CYLD: variants seen among roughly 807,000 people sequenced by gnomAD.
CYLD encodes the protein CYLD lysine 63 deubiquitinase, also known as ubiquitin carboxyl-terminal hydrolase CYLD.
CYLD carries 26 observed loss-of-function variants against 104.5 expected under a neutral mutation model. That is an observed-to-expected ratio of 0.25 (90% CI 0.18 to 0.35). CYLD has a LOEUF of 0.35. Among genes scored for constraint, CYLD ranks in the 10% least tolerant of loss-of-function variants. The probability of loss-of-function intolerance (pLI) is 1.00; values close to 1 mark genes in which losing one functional copy is unlikely to be tolerated. For synonymous variants in CYLD, 385 were observed against 399.9 expected (o/e 0.96, Z 0.45); for missense variants, 703 against 1,136.1 (o/e 0.62, Z 5.48).
In CYLD at chr16:50,801,395, CAT is replaced by C. The variant is rs143814807; in HGVS notation, c.*4888_*4889del. ...TTAAAGTCTTCATTTATTTTTATAACATGGGTTAGGGAGAAGGGCCACAAATG... is the reference window on the plus strand; with the variant it reads ...TTAAAGTCTTCATTTATTTTTATAACGGGTTAGGGAGAAGGGCCACAAATG... On this transcript the variant is annotated 3_prime_UTR_variant, in exon 19 of 19. Transcript: ENST00000427738. The C allele has an allele frequency of 0.044, 10,349 of 233,730 alleles. 435 individuals carry two copies. Among genetic ancestry groups the C allele is most frequent in the African/African-American group, 0.12 (5,657 of 45,428 alleles). 14.5% of individuals were successfully genotyped at this position (233,730 alleles called of 1,614,324 possible).
In CYLD at chr16:50,791,529, T is replaced by C. The variant is rs201264607; in HGVS notation, c.2109-29T>C. On this transcript the variant is annotated intron_variant, in intron 14 of 18. Coordinates refer to ENST00000427738, the MANE Select transcript of CYLD (RefSeq NM_001378743.1). Reference sequence around the variant, plus strand: ...ATTTAAGCATTTGATAAATAGGTTGTATGTATTTTTTTCTCTGCGTGTTTT... The same window carrying C: ...ATTTAAGCATTTGATAAATAGGTTGCATGTATTTTTTTCTCTGCGTGTTTT... 3.8e-4 allele frequency: 616 copies of C among 1,612,450 alleles called. 6 individuals are homozygous for C. Among genetic ancestry groups the C allele is most frequent in the South Asian group, 3.7e-3 (340 of 91,052 alleles).
intron 5 of CYLD, among the ~76,000 whole-genome samples, chr16:50,766,487 C>G (rs1338816309): frequency 6.6e-6 from 1 of 152,174 alleles, no homozygotes; most frequent in Non-Finnish European, 1.5e-5. Flanking sequence ...TGTTCTGCAG[C>G]ATATGGATCA....
At position 50,799,825 on chromosome 16, in the gene CYLD, T is replaced by C. The variant is rs1972332596; in HGVS notation, c.*3317T>C. 1.3e-5 allele frequency: 3 copies of C among 232,962 alleles called. No individual in the cohort carries two copies. The allele number at this position is 232,962 out of a possible 1,614,324, so 14.4% of individuals were successfully genotyped here. On this transcript the variant is annotated 3_prime_UTR_variant, in exon 19 of 19. Transcript: ENST00000427738. ...TGCATCTGCTTGGATGATTGTAGAC[T>C]GAGATGTGAGTGGAGGATAAAGTAT...
At chr16:50,757,104 G>GT (rs572408816) in intron 5 of CYLD, among the ~76,000 whole-genome samples, 195 of 149,820 alleles carry the variant, frequency 1.3e-3, no homozygotes, top group African/African-American at 4.2e-3. Flanking sequence ...AAACTGAATT[G>GT]TTTTTTTTTC....
intron 2 of CYLD, among the ~76,000 whole-genome samples, chr16:50,746,889 T>C (rs1277517412): frequency 6.6e-6 from 1 of 152,112 alleles, no homozygotes; most frequent in Non-Finnish European, 1.5e-5. Flanking sequence ...GTGACATGAA[T>C]AGTTAAGCTA....
chr16:50,766,075 T>C (rs943009820), intron 5 of CYLD, among the ~76,000 whole-genome samples: 1 of 152,330 alleles, frequency 6.6e-6, no homozygotes, highest in Middle Eastern at 3.4e-3. Flanking sequence ...AAAACAGCCT[T>C]CTATTGGAAG....
intron 2 of CYLD, among the ~76,000 whole-genome samples, chr16:50,744,140 A>G (rs1027630410): frequency 1.3e-5 from 2 of 151,804 alleles, no homozygotes; most frequent in Non-Finnish European, 2.9e-5. Context: ...CTAGAGAGGC[A>G]GCAGTATTCC....
At chr16:50,762,039 A>C (rs965865119) in intron 5 of CYLD, among the ~76,000 whole-genome samples, 2 of 152,154 alleles carry the variant, frequency 1.3e-5, no homozygotes, top group African/African-American at 4.8e-5. Context: ...GTATATATTC[A>C]TGGGGTACAA....
Position 50,749,599 on chromosome 16 carries a change from C to A in CYLD, c.-100C>A. The A allele has an allele frequency of 1.6e-6, 2 of 1,244,644 alleles. No homozygotes were observed. Among genetic ancestry groups the A allele is most frequent in the Non-Finnish European group, 2.3e-6 (2 of 881,052 alleles). 77.1% of individuals were successfully genotyped at this position (1,244,644 alleles called of 1,614,324 possible). A position where few individuals can be genotyped will look rare whatever the true frequency, so the allele number is the denominator to read the frequency against. On this transcript the variant is annotated 5_prime_UTR_variant, in exon 3 of 19. Transcript: ENST00000427738. ...AGCATGGACACCACGTTGCTGAAAA[C>A]ATGCTTTGGGACTGCCACTGAATTT...
Position 50,748,100 on chromosome 16 carries a change from A to G in CYLD, c.-123-1476A>G, listed in dbSNP as rs373644041. Among the ~76,000 whole-genome samples, 56 of 152,368 alleles carry G rather than the reference A, an allele frequency of 3.7e-4. 1 individual carries two copies. Among genetic ancestry groups the G allele is most frequent in the African/African-American group, 1.3e-3 (53 of 41,584 alleles). ...GGAGTATTTATTTTTTAATTGCTAG[A>G]ATAAAATAAATATGATAGTGCTATC... On this transcript the variant is annotated intron_variant, in intron 2 of 18. Coordinates refer to ENST00000427738, the MANE Select transcript of CYLD (RefSeq NM_001378743.1).
intron 5 of CYLD, among the ~76,000 whole-genome samples, chr16:50,760,517 C>A (rs1597002738): frequency 6.6e-6 from 1 of 152,142 alleles, no homozygotes; most frequent in East Asian, 1.9e-4. Flanking sequence ...TATTCTTATT[C>A]CCCCTTCCCT....
chr16:50,795,893 A>G (rs770842206), intron 18 of CYLD, among the ~76,000 whole-genome samples: 2 of 152,196 alleles, frequency 1.3e-5, no homozygotes, highest in Non-Finnish European at 2.9e-5. Flanking sequence ...TTGCGTAAGG[A>G]TGTGTTTAAA....
intron 6 of CYLD, 119 bp from the exon 7 acceptor site, chr16:50,776,059 TA>T: frequency 1.3e-6 from 1 of 745,656 alleles, no homozygotes; most frequent in Non-Finnish European, 2.4e-6. Context: ...AAGGCATTTG[TA>T]AAACTAAAAA....
At chr16:50,770,888 G>T (rs931396934) in intron 5 of CYLD, among the ~76,000 whole-genome samples, 1 of 152,082 alleles carries the variant, frequency 6.6e-6, no homozygotes, top group African/African-American at 2.4e-5. Context: ...TATATGGTTT[G>T]CACATTTTAT....
intron 10 of CYLD, 138 bp from the exon 11 acceptor site, chr16:50,782,187 G>A (rs1294720806): frequency 1.5e-6 from 1 of 648,298 alleles, no homozygotes; most frequent in Non-Finnish European, 2.6e-6. Context: ...GTTAACCAAA[G>A]CCTACTTTCC....
At chr16:50,795,919 A>C (rs914593829) in intron 18 of CYLD, among the ~76,000 whole-genome samples, 2 of 151,778 alleles carry the variant, frequency 1.3e-5, no homozygotes, top group Non-Finnish European at 2.9e-5. Context: ...GGGAGCTATA[A>C]TAGCGTTCAT....
At chr16:50,792,790 C>A (rs776631119) in intron 16 of CYLD, 85 bp downstream of exon 16, 54 of 741,758 alleles carry the variant, frequency 7.3e-5, no homozygotes, top group Non-Finnish European at 1.1e-4. Context: ...TAGACTCTAA[C>A]TGGACACAGT....
intron 5 of CYLD, among the ~76,000 whole-genome samples, chr16:50,758,085 C>T (rs1369444135): frequency 6.6e-6 from 1 of 151,950 alleles, no homozygotes; most frequent in Non-Finnish European, 1.5e-5. Context: ...TGTGTATGAT[C>T]AATTACATGA....
rs568159513 is a variant in CYLD, at chr16:50,796,720, G to A, written c.*212G>A. 11 of 568,836 alleles carry A rather than the reference G, an allele frequency of 1.9e-5. No individual in the cohort carries two copies. The highest frequency in any genetic ancestry group is 3.2e-5 in the Non-Finnish European group (10 of 317,196). The allele number at this position is 568,836 out of a possible 1,614,324, so 35.2% of individuals were successfully genotyped here. A position where few individuals can be genotyped will look rare whatever the true frequency, so the allele number is the denominator to read the frequency against. ...ATTTTGCACTCTAGAAAGTATGTTT[G>A]TGTTGGTTTTTTAAGAAGTCTAAAT... On this transcript the variant is annotated 3_prime_UTR_variant, in exon 19 of 19. Transcript: ENST00000427738.
Sources: gnomAD v4.1 joint callset for allele counts (sites outside exome capture counted in the v4.1 genomes callset) on GRCh38, gnomAD v4.1.1 for gene constraint, MANE v1.5 for transcripts, NCBI Gene and HGNC (gene_info 2026-07-23, HGNC 2026-07-21) for gene names.